HORMAD2: variants seen among roughly 807,000 people sequenced by gnomAD.
The protein encoded by HORMAD2 is HORMA domain-containing protein 2.
A neutral mutation model predicts 38.8 loss-of-function variants in HORMAD2; 45 were observed. The observed-to-expected ratio is 1.16, with a 90% CI of 0.91 to 1.49. The LOEUF is 1.49. HORMAD2 is among the 40% of genes most tolerant of loss of function. HORMAD2 has a pLI of 0.00. For missense variants in HORMAD2, 338 were observed against 367.0 expected, an observed-to-expected ratio of 0.92 and a Z score of 0.65; for synonymous variants, 126 against 122.8, an observed-to-expected ratio of 1.03 and a Z score of -0.17.
chr22:30,111,817 G>T lies in HORMAD2; in HGVS notation c.315+1G>T. On this transcript the variant is annotated splice_donor_variant, in intron 6 of 10. Transcript: ENST00000336726. LOFTEE classifies it high-confidence loss of function. Reference sequence around the variant, plus strand: ...GAAGCTACGTATGGCAGTACTGACAGTAAGTACACACTCATTTAAAGACCA... The same window carrying T: ...GAAGCTACGTATGGCAGTACTGACATTAAGTACACACTCATTTAAAGACCA... The T allele has an allele frequency of 1.3e-6, 2 of 1,570,590 alleles. No homozygotes were observed. The highest frequency in any genetic ancestry group is 3.7e-5 in the Admixed American group (2 of 54,102).
rs545597857 is a variant in HORMAD2, at chr22:30,176,418, G to A, written c.*251G>A. On this transcript the variant is annotated 3_prime_UTR_variant, in exon 11 of 11. Transcript: ENST00000336726. ...ACTTCAAAGCTGGGTTAGAGATGAG[G>A]CACCTTTTATATTATATTTGTAAAA... 8.1e-6 allele frequency: 3 copies of A among 371,594 alleles called. No individual in the cohort carries two copies. The highest frequency in any genetic ancestry group is 4.4e-5 in the Admixed American group (1 of 22,988). The allele number at this position is 371,594 out of a possible 1,614,324, so 23.0% of individuals were successfully genotyped here. A position where few individuals can be genotyped will look rare whatever the true frequency, so the allele number is the denominator to read the frequency against.
chr22:30,125,205 C>CTTT (rs1569099710), intron 10 of HORMAD2, among the ~76,000 whole-genome samples: 1 of 69,470 alleles, frequency 1.4e-5, no homozygotes, highest in African/African-American at 5.9e-5. Flanking sequence ...TTTTCACTTT[C>CTTT]TTTTTCTTTT....
At chr22:30,151,084 T>C (rs181853567) in intron 10 of HORMAD2, among the ~76,000 whole-genome samples, 4 of 152,348 alleles carry the variant, frequency 2.6e-5, no homozygotes, top group Non-Finnish European at 4.4e-5. Context: ...TTATTTAGAA[T>C]GACGTGCATT....
At chr22:30,178,342 C>T (rs1926567372), downstream of HORMAD2, among the ~76,000 whole-genome samples, 1 of 152,274 alleles carries the variant, frequency 6.6e-6, no homozygotes, top group Middle Eastern at 3.4e-3. Flanking sequence ...CAGTCTTTAT[C>T]ACTGCCAGTA....
At chr22:30,155,686 G>A (rs1174484232) in intron 10 of HORMAD2, among the ~76,000 whole-genome samples, 1 of 151,964 alleles carries the variant, frequency 6.6e-6, no homozygotes, top group African/African-American at 2.4e-5. Context: ...CTATATTTAT[G>A]TATCTATATG....
chr22:30,079,790 G>A (rs540357008), upstream of HORMAD2, among the ~76,000 whole-genome samples: 8 of 152,044 alleles, frequency 5.3e-5, no homozygotes, highest in Admixed American at 3.3e-4. Flanking sequence ...AGCGATTCTC[G>A]TGCCTCAGCT....
At chr22:30,179,662 A>T (rs1360806543), downstream of HORMAD2, among the ~76,000 whole-genome samples, 6 of 152,174 alleles carry the variant, frequency 3.9e-5, no homozygotes, top group South Asian at 1.0e-3. Flanking sequence ...ACTCAGTCTT[A>T]CAGTAGGTGG....
chr22:30,098,291 G>A (rs1920923810), intron 2 of HORMAD2, among the ~76,000 whole-genome samples: 1 of 152,120 alleles, frequency 6.6e-6, no homozygotes, highest in Admixed American at 6.6e-5. Flanking sequence ...AATCCTGGGG[G>A]ATAACCAATA....
the HORMAD2 span, among the ~76,000 whole-genome samples, chr22:30,202,264 G>A: frequency 6.6e-6 from 1 of 152,098 alleles, no homozygotes; most frequent in East Asian, 1.9e-4. Context: ...GCCCTGACAG[G>A]GTCCAGGCAG....
chr22:30,081,482 G>A (rs773596756), intron 1 of HORMAD2, among the ~76,000 whole-genome samples: 13 of 152,192 alleles, frequency 8.5e-5, no homozygotes, highest in Admixed American at 2.6e-4. Context: ...TTAAAATGGT[G>A]AATAATTTAT....
chr22:30,127,632 C>G (rs555331705), intron 10 of HORMAD2, among the ~76,000 whole-genome samples: 11 of 152,344 alleles, frequency 7.2e-5, no homozygotes, highest in Non-Finnish European at 1.5e-4. Flanking sequence ...CGTGAGCCAT[C>G]ACGCCTGGCA....
chr22:30,107,054 A>T (rs1921255207), intron 5 of HORMAD2, among the ~76,000 whole-genome samples: 1 of 152,242 alleles, frequency 6.6e-6, no homozygotes. Flanking sequence ...AATACTATGT[A>T]TGTGTTAAAC....
intron 7 of HORMAD2, among the ~76,000 whole-genome samples, chr22:30,113,823 TTAAGCAA>T (rs1921841120): frequency 6.6e-6 from 1 of 152,236 alleles, no homozygotes; most frequent in Non-Finnish European, 1.5e-5. Context: ...ATGTAGCTGT[TTAAGCAA>T]GGGGTAAGAA....
At position 30,128,640 on chromosome 22, in the gene HORMAD2, A is replaced by AG. The variant is rs1205160302; in HGVS notation, c.819+6427dup. ...ACATTTGTATGGCTCTCAAATGAGT[A>AG]GTACCAAATCATTTTCCAGAAGCTG... On this transcript the variant is annotated intron_variant, in intron 10 of 10. Coordinates refer to ENST00000336726, the MANE Select transcript of HORMAD2 (RefSeq NM_152510.4). Among the ~76,000 whole-genome samples the AG allele has an allele frequency of 8.5e-5, 13 of 152,310 alleles. No homozygotes were observed. In the East Asian group the frequency reaches 2.3e-3, roughly 27 times the overall value.
intron 10 of HORMAD2, among the ~76,000 whole-genome samples, chr22:30,158,199 A>G (rs1380584356): frequency 6.6e-6 from 1 of 152,146 alleles, no homozygotes; most frequent in Non-Finnish European, 1.5e-5. Flanking sequence ...TTTCCACAAA[A>G]GAGGAAAATG....
intron 10 of HORMAD2, among the ~76,000 whole-genome samples, chr22:30,164,327 G>A (rs1015744911): frequency 6.6e-6 from 1 of 152,160 alleles, no homozygotes; most frequent in East Asian, 1.9e-4. Context: ...CAGTGGAATT[G>A]CTGGATAATA....
At chr22:30,083,670 C>T (rs531682018) in intron 1 of HORMAD2, among the ~76,000 whole-genome samples, 2 of 152,058 alleles carry the variant, frequency 1.3e-5, no homozygotes, top group Admixed American at 6.6e-5. Flanking sequence ...GGCTGGAGTG[C>T]AATGGTGCAA....
chr22:30,121,578 G>A, intron 8 of HORMAD2, 54 bp from the exon 9 acceptor site: 1 of 1,376,780 alleles, frequency 7.3e-7, no homozygotes, highest in Non-Finnish European at 9.6e-7. Flanking sequence ...TTCCTTTTGG[G>A]ATAGATTGCC....
chr22:30,113,427 T>TG (rs954357101), intron 7 of HORMAD2, among the ~76,000 whole-genome samples: 1 of 151,880 alleles, frequency 6.6e-6, no homozygotes, highest in Non-Finnish European at 1.5e-5. Context: ...TTAGTAGAGA[T>TG]GGGGTTTCAC....
Sources: gnomAD v4.1 joint callset for allele counts (sites outside exome capture counted in the v4.1 genomes callset) on GRCh38, gnomAD v4.1.1 for gene constraint, MANE v1.5 for transcripts, NCBI Gene and HGNC (gene_info 2026-07-23, HGNC 2026-07-21) for gene names.